The following AFTPH variants were observed in gnomAD, a reference collection of about 807,000 sequenced individuals.
AFTPH encodes the protein aftiphilin, also known as aftiphilin protein.
A neutral mutation model predicts 72.5 loss-of-function variants in AFTPH; 7 were observed. The observed-to-expected ratio is 0.10, with a 90% CI of 0.05 to 0.18. AFTPH has a LOEUF of 0.18. Ranked by LOEUF, AFTPH falls within the 10% of genes least tolerant of loss-of-function variation. The pLI, the probability that AFTPH is intolerant of heterozygous loss-of-function variation, is 1.00. For missense variants in AFTPH, 979 were observed against 1,060.5 expected (o/e 0.92, Z 1.07); for synonymous variants, 337 against 370.1 (o/e 0.91, Z 1.03).
Position 64,527,489 on chromosome 2 carries a change from G to A in AFTPH, c.-33+2877G>A, listed in dbSNP as rs541643448. On this transcript the variant is annotated intron_variant, in intron 1 of 8. Coordinates refer to ENST00000238856, the Ensembl canonical transcript of AFTPH. ...CAGCTATTCGGGAGACTGAGGCAGG[G>A]GAATCGCTTGAACCCGGGAGGCGGA... Among the ~76,000 whole-genome samples, 796 of 151,968 alleles carry A rather than the reference G, an allele frequency of 5.2e-3. 10 individuals carry two copies. Among genetic ancestry groups the A allele is most frequent in the African/African-American group, 0.018 (763 of 41,420 alleles).
At chr2:64,587,789 C>T (rs1489299679) in intron 8 of AFTPH, among the ~76,000 whole-genome samples, 2 of 152,134 alleles carry the variant, frequency 1.3e-5, no homozygotes, top group East Asian at 3.8e-4. Context: ...TAAAGAAGTG[C>T]AAGTTCTTAG....
chr2:64,548,407 G>GAAAAAAAA (rs57995634), intron 1 of AFTPH, among the ~76,000 whole-genome samples: 16 of 59,980 alleles, frequency 2.7e-4, no homozygotes, highest in Non-Finnish European at 4.3e-4. Context: ...CTCAAAAAAA[G>GAAAAAAAA]AAAAAAAAAA....
chr2:64,557,886 A>G (rs578190234), intron 2 of AFTPH, among the ~76,000 whole-genome samples: 37 of 152,292 alleles, frequency 2.4e-4, no homozygotes, highest in Non-Finnish European at 5.0e-4. Context: ...CTGGTGTTTA[A>G]TTTCAAAATA....
chr2:64,555,828 G>A (rs533804272), intron 2 of AFTPH, among the ~76,000 whole-genome samples: 9 of 152,300 alleles, frequency 5.9e-5, no homozygotes, highest in Admixed American at 4.6e-4. Context: ...CTGCTGTTGT[G>A]AAAGAGAATT....
intron 1 of AFTPH, among the ~76,000 whole-genome samples, chr2:64,545,609 A>AAAAAAAAAC (rs1670549701): frequency 8.8e-6 from 1 of 113,174 alleles, no homozygotes; most frequent in Non-Finnish European, 1.7e-5. Context: ...AAAAAAAAAA[A>AAAAAAAAAC]AAAGACCTGA....
intron 8 of AFTPH, among the ~76,000 whole-genome samples, chr2:64,590,348 A>G (rs1673750597): frequency 6.6e-6 from 1 of 152,192 alleles, no homozygotes; most frequent in South Asian, 2.1e-4. Context: ...TGGAAATTAT[A>G]TCTAAAGGCT....
At chr2:64,562,802 T>C (rs1416739703) in intron 2 of AFTPH, among the ~76,000 whole-genome samples, 12 of 152,338 alleles carry the variant, frequency 7.9e-5, no homozygotes, top group Admixed American at 6.5e-4. Context: ...TTTTGATCTT[T>C]TGCTGAATTT....
At chr2:64,558,556 C>G (rs1425796488) in intron 2 of AFTPH, among the ~76,000 whole-genome samples, 1 of 152,202 alleles carries the variant, frequency 6.6e-6, no homozygotes, top group Non-Finnish European at 1.5e-5. Context: ...AGTGACATCA[C>G]TCATAGTGGT....
At chr2:64,555,915 G>C (rs1357835878) in intron 2 of AFTPH, among the ~76,000 whole-genome samples, 8 of 151,418 alleles carry the variant, frequency 5.3e-5, no homozygotes, top group Non-Finnish European at 1.0e-4. Flanking sequence ...GAGAGGATTA[G>C]ATTTATTAGT....
At chr2:64,578,275 G>C (rs1020685206) in intron 6 of AFTPH, among the ~76,000 whole-genome samples, 1 of 152,020 alleles carries the variant, frequency 6.6e-6, no homozygotes, top group South Asian at 2.1e-4. Flanking sequence ...AAAATATAAA[G>C]TTTTAACAGT....
chr2:64,579,623 C>T, intron 7 of AFTPH, 77 bp downstream of exon 7: 1 of 1,290,876 alleles, frequency 7.7e-7, no homozygotes, highest in Admixed American at 1.9e-5. Context: ...CTTCTCTCTG[C>T]TGATTTCCTT....
intron 1 of AFTPH, among the ~76,000 whole-genome samples, chr2:64,546,628 A>G (rs1258857278): frequency 1.3e-5 from 2 of 152,164 alleles, no homozygotes; most frequent in African/African-American, 4.8e-5. Flanking sequence ...GTCAATACAA[A>G]TAAATTTTTT....
At chr2:64,570,815 G>A (rs1426596582) in intron 5 of AFTPH, among the ~76,000 whole-genome samples, 1 of 151,318 alleles carries the variant, frequency 6.6e-6, no homozygotes, top group Non-Finnish European at 1.5e-5. Flanking sequence ...TGTGAGGTTT[G>A]TGAGAAGTTA....
intron 1 of AFTPH, among the ~76,000 whole-genome samples, chr2:64,543,493 G>C (rs1670381282): frequency 6.6e-6 from 1 of 152,168 alleles, no homozygotes; most frequent in African/African-American, 2.4e-5. Flanking sequence ...CTTCTGGAAG[G>C]CTGATTGCTT....
At chr2:64,547,129 C>A (rs1200303027) in intron 1 of AFTPH, among the ~76,000 whole-genome samples, 2 of 152,180 alleles carry the variant, frequency 1.3e-5, no homozygotes, top group Non-Finnish European at 2.9e-5. Context: ...TATAGTGAAT[C>A]TTTTGGACTC....
exon 2 of AFTPH, chr2:64,552,004 C>T (rs765795826): frequency 6.2e-7 from 1 of 1,613,874 alleles, no homozygotes; most frequent in Non-Finnish European, 8.5e-7. Flanking sequence ...GAAAAGCCTC[C>T]TTGTCTGGAG....
intron 6 of AFTPH, among the ~76,000 whole-genome samples, chr2:64,576,968 A>G (rs1386492567): frequency 6.6e-6 from 1 of 152,160 alleles, no homozygotes; most frequent in Non-Finnish European, 1.5e-5. Context: ...CATGTTGGCC[A>G]GGCTGGTCTC....
chr2:64,567,753 T>A (rs1439215988), intron 3 of AFTPH, 40 bp downstream of exon 3: 1 of 1,576,062 alleles, frequency 6.3e-7, no homozygotes, highest in African/African-American at 1.4e-5. Flanking sequence ...GTGTTTTTGT[T>A]ATTTTTAGTA....
intron 1 of AFTPH, among the ~76,000 whole-genome samples, chr2:64,534,783 T>C (rs985610971): frequency 2.6e-5 from 4 of 151,730 alleles, no homozygotes; most frequent in African/African-American, 4.8e-5. Flanking sequence ...ATTTAAATTA[T>C]ATACTAATTA....
Sources: allele counts gnomAD v4.1 joint callset (sites outside exome capture counted in the v4.1 genomes callset), GRCh38; gene constraint gnomAD v4.1.1; transcripts MANE v1.5; gene names NCBI Gene and HGNC (gene_info 2026-07-23, HGNC 2026-07-21).